Variants in EFCAB6 observed in about 807,000 individuals in gnomAD.
EFCAB6 encodes EF-hand calcium binding domain 6, also known as EF-hand calcium-binding domain-containing protein 6.
Under a neutral mutation model 169.8 loss-of-function variants are expected in EFCAB6, and 156 were observed. The observed-to-expected ratio is 0.92, with a 90% CI of 0.81 to 1.05. The LOEUF (loss-of-function observed/expected upper bound fraction) is 1.05, where lower values mean the gene tolerates loss of function less well. Among genes scored for constraint, EFCAB6 ranks in the 50% least tolerant of loss-of-function variants. The pLI, the probability that EFCAB6 is intolerant of heterozygous loss-of-function variation, is 0.00. For missense variants in EFCAB6, 1,800 were observed against 1,829.1 expected, an observed-to-expected ratio of 0.98 and a Z score of 0.29; for synonymous variants, 698 against 676.4, an observed-to-expected ratio of 1.03 and a Z score of -0.50.
intron 15 of EFCAB6, 25 bp from the exon 16 acceptor site, chr22:43,669,070 C>T (rs746537127): frequency 1.3e-6 from 2 of 1,576,928 alleles, no homozygotes; most frequent in East Asian, 4.6e-5. Context: ...ATAATTAAAA[C>T]ACACTCAGTA....
chr22:43,679,648 T>C (rs2057923825), intron 12 of EFCAB6, among the ~76,000 whole-genome samples: 1 of 152,200 alleles, frequency 6.6e-6, no homozygotes, highest in Non-Finnish European at 1.5e-5. Flanking sequence ...CAACACTTAT[T>C]ATTGTTTGTC....
intron 6 of EFCAB6, among the ~76,000 whole-genome samples, chr22:43,737,646 C>T (rs952514232): frequency 1.3e-5 from 2 of 151,080 alleles, no homozygotes; most frequent in Non-Finnish European, 2.9e-5. Flanking sequence ...CACATGCACA[C>T]ACACCATCAT....
In EFCAB6 at chr22:43,554,460, T is replaced by C. The variant is rs374980850; in HGVS notation, c.3648+409A>G. 25 of 179,876 alleles carry C rather than the reference T, an allele frequency of 1.4e-4. No individual in the cohort carries two copies. In the East Asian group the frequency reaches 1.8e-3, roughly 13 times the overall value. 11.1% of individuals were successfully genotyped at this position (179,876 alleles called of 1,614,324 possible). ...CTTGCACTCTTGCAACATATTTTCA[T>C]ACTTTTTCTAATACATCTGCCTTTT... On this transcript the variant is annotated intron_variant, in intron 27 of 31. Coordinates refer to ENST00000262726, the MANE Select transcript of EFCAB6 (RefSeq NM_022785.4).
At chr22:43,717,675 G>C (rs2059380843) in intron 8 of EFCAB6, among the ~76,000 whole-genome samples, 1 of 152,024 alleles carries the variant, frequency 6.6e-6, no homozygotes, top group African/African-American at 2.4e-5. Context: ...AGGAGTAAAG[G>C]GAATAATAAG....
chr22:43,596,803 A>C (rs2052047303), intron 23 of EFCAB6, among the ~76,000 whole-genome samples: 1 of 152,224 alleles, frequency 6.6e-6, no homozygotes, highest in Admixed American at 6.5e-5. Flanking sequence ...AGCAATCCTA[A>C]GCAAAAAGAA....
chr22:43,728,770 G>T (rs1463612501), intron 8 of EFCAB6, among the ~76,000 whole-genome samples: 1 of 152,132 alleles, frequency 6.6e-6, no homozygotes, highest in Non-Finnish European at 1.5e-5. Context: ...TTTTCTTCTT[G>T]TAAATTTGTT....
At chr22:43,621,958 T>C (rs1215990797) in intron 20 of EFCAB6, among the ~76,000 whole-genome samples, 1 of 152,216 alleles carries the variant, frequency 6.6e-6, no homozygotes, top group Non-Finnish European at 1.5e-5. Context: ...TTTTGAAAGA[T>C]GCAAATTAGC....
In EFCAB6 at chr22:43,716,851, T is replaced by C. The variant is rs774071436; in HGVS notation, c.879A>G (p.Leu293=). 1.9e-6 allele frequency: 3 copies of C among 1,603,422 alleles called. No individual in the cohort carries two copies. The highest frequency in any genetic ancestry group is 2.3e-5 in the South Asian group (2 of 88,146). The change falls in exon 9 of 32, where the codon CTA becomes CTG. Residue 293 remains leucine (L), a synonymous_variant. Coordinates refer to ENST00000262726, the MANE Select transcript of EFCAB6 (RefSeq NM_022785.4). ...GTGGCTTAGGAAAACATCTTACTTG[T>C]AGACAAAAGTTCCTCTCAATTTCAT... The part of the protein sequence containing the change: ...SLDEIERNFC[L]QLSKSYEKVE...
chr22:43,732,406 A>G (rs939195287), intron 7 of EFCAB6, among the ~76,000 whole-genome samples: 1 of 151,992 alleles, frequency 6.6e-6, no homozygotes, highest in Non-Finnish European at 1.5e-5. Flanking sequence ...TTTTATATGT[A>G]ACATACAAGG....
intron 2 of EFCAB6, among the ~76,000 whole-genome samples, chr22:43,786,306 T>C (rs992847493): frequency 2.0e-5 from 3 of 151,988 alleles, no homozygotes; most frequent in African/African-American, 7.3e-5. Context: ...GATGTTAAAG[T>C]GTGCTGAGAT....
chr22:43,712,765 C>T (rs1029332332), intron 9 of EFCAB6, among the ~76,000 whole-genome samples: 3 of 151,178 alleles, frequency 2.0e-5, no homozygotes, highest in African/African-American at 7.3e-5. Context: ...TTTTTAATGT[C>T]TTAATGACAT....
intron 8 of EFCAB6, among the ~76,000 whole-genome samples, chr22:43,718,122 C>T (rs2059399341): frequency 6.6e-6 from 1 of 151,774 alleles, no homozygotes; most frequent in South Asian, 2.1e-4. Context: ...GAGGATACTA[C>T]ACGAAAAAGA....
Position 43,773,089 on chromosome 22 carries a change from T to A in EFCAB6, c.154A>T (p.Asn52Tyr), listed in dbSNP as rs775570799. 1 of 1,614,192 alleles carries A rather than the reference T, an allele frequency of 6.2e-7. No homozygotes were observed. The highest frequency in any genetic ancestry group is 8.5e-7 in the Non-Finnish European group (1 of 1,180,034). The change falls in exon 4 of 32, where the codon AAT becomes TAT. Residue 52 changes from asparagine (N) to tyrosine (Y), a missense_variant. Asn to Tyr is a moderately radical substitution (Grantham distance 143). Coordinates refer to ENST00000262726, the MANE Select transcript of EFCAB6 (RefSeq NM_022785.4). ...ACATCTAAGGAGGACAGTGTTGGAT[T>A]TGCAACAGCTGTGGCTATAAAAGAG... is the stretch of plus-strand genomic sequence containing the variant. ...FRSSSTTAVA[N>Y]PTLSSLDVKR...
chr22:43,722,628 A>G (rs2059577321), intron 8 of EFCAB6, among the ~76,000 whole-genome samples: 1 of 152,220 alleles, frequency 6.6e-6, no homozygotes, highest in African/African-American at 2.4e-5. Context: ...CAGTTCAGCT[A>G]CTGTGGAAAG....
chr22:43,672,558 C>A (rs563195339), intron 13 of EFCAB6, among the ~76,000 whole-genome samples: 1 of 152,088 alleles, frequency 6.6e-6, no homozygotes, highest in African/African-American at 2.4e-5. Flanking sequence ...GAGCTGGAGG[C>A]CATTATCCTT....
chr22:43,543,963 G>T (rs1156880719), intron 27 of EFCAB6, among the ~76,000 whole-genome samples: 1 of 151,314 alleles, frequency 6.6e-6, no homozygotes, highest in Non-Finnish European at 1.5e-5. Context: ...TCCTCCTTGA[G>T]ACCAGCTCTA....
chr22:43,701,467 T>C (rs1407446852), intron 10 of EFCAB6, among the ~76,000 whole-genome samples: 3 of 152,142 alleles, frequency 2.0e-5, no homozygotes, highest in African/African-American at 7.2e-5. Context: ...GGCAGTTGGT[T>C]GGACCATTGT....
At chr22:43,608,296 G>C (rs1032760151) in intron 22 of EFCAB6, among the ~76,000 whole-genome samples, 186 bp downstream of exon 22, 2 of 152,052 alleles carry the variant, frequency 1.3e-5, no homozygotes, top group African/African-American at 2.4e-5. Context: ...ATCCACCAAG[G>C]CTGCTTGCTA....
At chr22:43,772,464 C>A (rs560184393) in intron 4 of EFCAB6, among the ~76,000 whole-genome samples, 1 of 152,012 alleles carries the variant, frequency 6.6e-6, no homozygotes, top group East Asian at 1.9e-4. Flanking sequence ...CATGGTGAAA[C>A]CCCATCTCTA....
Sources: allele counts gnomAD v4.1 joint callset (sites outside exome capture counted in the v4.1 genomes callset), GRCh38; gene constraint gnomAD v4.1.1; transcripts MANE v1.5; gene names NCBI Gene and HGNC (gene_info 2026-07-23, HGNC 2026-07-21).